TBC1D4: variants seen among roughly 807,000 people sequenced by gnomAD.
The protein encoded by TBC1D4 is TBC (Tre-2, BUB2, CDC16) domain-containing protein.
A neutral mutation model predicts 142.5 loss-of-function variants in TBC1D4; 121 were observed. The observed-to-expected ratio is 0.85, with a 90% confidence interval of 0.73 to 0.99. The LOEUF (loss-of-function observed/expected upper bound fraction) is 0.99, where lower values mean the gene tolerates loss of function less well. TBC1D4 is among the 50% of genes least tolerant of loss of function. The probability of loss-of-function intolerance (pLI) is 0.00; values close to 1 mark genes in which losing one functional copy is unlikely to be tolerated. For missense variants in TBC1D4, 1,475 were observed against 1,606.6 expected (o/e 0.92, Z 1.40); for synonymous variants, 630 against 628.2 (o/e 1.00, Z -0.04).
At chr13:75,475,404 A>G (rs1888594188) in intron 1 of TBC1D4, among the ~76,000 whole-genome samples, 1 of 152,244 alleles carries the variant, frequency 6.6e-6, no homozygotes, top group Non-Finnish European at 1.5e-5. Context: ...AATGTAGTCT[A>G]AAGGAAAGGG....
chr13:75,352,080 G>A (rs1881650487), intron 4 of TBC1D4, among the ~76,000 whole-genome samples: 1 of 152,136 alleles, frequency 6.6e-6, no homozygotes, highest in African/African-American at 2.4e-5. Context: ...TTTCTTAGAT[G>A]AGAAACTTTC....
chr13:75,312,375 G>A (rs935128517), intron 13 of TBC1D4, among the ~76,000 whole-genome samples: 1 of 145,532 alleles, frequency 6.9e-6, no homozygotes, highest in African/African-American at 2.7e-5. Flanking sequence ...TTACACCACT[G>A]CAACCCCAGC....
intron 5 of TBC1D4, among the ~76,000 whole-genome samples, chr13:75,348,659 C>T (rs974865280): frequency 2.4e-4 from 37 of 152,252 alleles, no homozygotes; most frequent in African/African-American, 7.7e-4. Flanking sequence ...ATATTATCAC[C>T]TCTATTATCT....
chr13:75,405,759 A>G (rs1245195251), intron 1 of TBC1D4, among the ~76,000 whole-genome samples: 2 of 152,232 alleles, frequency 1.3e-5, no homozygotes, highest in Admixed American at 1.3e-4. Context: ...CTTTAAGCCA[A>G]GAACTCATTT....
intron 15 of TBC1D4, among the ~76,000 whole-genome samples, chr13:75,303,441 T>C (rs1031353914): frequency 6.6e-6 from 1 of 152,234 alleles, no homozygotes; most frequent in Non-Finnish European, 1.5e-5. Context: ...TCTAGTATGC[T>C]TGAACACCAA....
chr13:75,403,358 C>T (rs1444385495), intron 1 of TBC1D4, among the ~76,000 whole-genome samples: 1 of 152,130 alleles, frequency 6.6e-6, no homozygotes, highest in Non-Finnish European at 1.5e-5. Context: ...TTCATTATTA[C>T]TAAACAAAAT....
chr13:75,295,244 C>T (rs546718059), intron 17 of TBC1D4, among the ~76,000 whole-genome samples: 5 of 152,120 alleles, frequency 3.3e-5, no homozygotes, highest in African/African-American at 9.7e-5. Flanking sequence ...TTCTCTATCA[C>T]GTGTGTTTGA....
chr13:75,312,601 G>A (rs1566366573), intron 13 of TBC1D4, 137 bp downstream of exon 13: 4 of 1,170,330 alleles, frequency 3.4e-6, no homozygotes, highest in South Asian at 1.3e-5. Context: ...ATACCTGAAA[G>A]AGAAACCACT....
intron 20 of TBC1D4, among the ~76,000 whole-genome samples, chr13:75,287,342 CAG>C (rs1185190770): frequency 6.6e-6 from 1 of 152,184 alleles, no homozygotes; most frequent in African/African-American, 2.4e-5. Flanking sequence ...GAAGGAGAAA[CAG>C]GAGATTCCTG....
intron 1 of TBC1D4, among the ~76,000 whole-genome samples, chr13:75,404,855 G>A (rs1228000012): frequency 6.6e-6 from 1 of 152,116 alleles, no homozygotes; most frequent in African/African-American, 2.4e-5. Context: ...ATCTGCTGCT[G>A]TCCCCCCTCC....
Position 75,324,278 on chromosome 13 carries a change from C to T in TBC1D4, c.2157G>A (p.Gln719=). The T allele has an allele frequency of 1.2e-6, 2 of 1,613,848 alleles. No individual in the cohort carries two copies. Among genetic ancestry groups the T allele is most frequent in the Non-Finnish European group, 1.7e-6 (2 of 1,179,812 alleles). The change falls in exon 11 of 21, where the codon CAG becomes CAA. Residue 719 remains glutamine (Q), a synonymous_variant. Coordinates refer to ENST00000377636, the MANE Select transcript of TBC1D4 (RefSeq NM_014832.5). ...ACTGTGGGGACAGTCTACCTGAATT[C>T]TGGTAAAAGCTTTTCAGGAAAGAGG... ...TAPSFLKSFY[Q]NSGRLSPQYE... is the part of the protein sequence containing the mutation.
chr13:75,399,198 T>TA (rs1479514345), intron 1 of TBC1D4, among the ~76,000 whole-genome samples: 1 of 152,100 alleles, frequency 6.6e-6, no homozygotes, highest in Non-Finnish European at 1.5e-5. Flanking sequence ...CAAACTTCTA[T>TA]AGGCAGGAAG....
At position 75,286,880 on chromosome 13, in the gene TBC1D4, G is replaced by A. The variant is rs749850246; in HGVS notation, c.3809C>T (p.Pro1270Leu). The A allele has an allele frequency of 6.2e-7, 1 of 1,613,976 alleles. No homozygotes were observed. The highest frequency in any genetic ancestry group is 1.7e-5 in the Admixed American group (1 of 59,926). ...GTCACAATTGACTAGAGCATCCGCG[G>A]GCAGCAGCTTCCGGAGTTGCTCCAC... ...KTVEQLRKLL[P>L]ADALVNCDLL... The change falls in exon 21 of 21, where the codon CCC (proline) becomes CTC (leucine). Residue 1270 changes from proline (P) to leucine (L), a missense_variant. Coordinates refer to ENST00000377636, the MANE Select transcript of TBC1D4 (RefSeq NM_014832.5).
At chr13:75,303,335 T>C (rs1404972686) in intron 15 of TBC1D4, among the ~76,000 whole-genome samples, 2 of 151,564 alleles carry the variant, frequency 1.3e-5, no homozygotes, top group African/African-American at 2.4e-5. Flanking sequence ...AGAAATAATA[T>C]AAGTAGTAAA....
chr13:75,290,532 T>C lies in TBC1D4; in HGVS notation c.3487-1422A>G. 1.3e-5 allele frequency among the ~76,000 whole-genome samples: 2 copies of C among 152,140 alleles called. 1 individual carries two copies. The stretch of plus-strand genomic sequence containing the variant: ...AATCTCTAAAAGCATAATATCTGAT[T>C]CCAGTCAAGAAAGATATTTCTGAAA... On this transcript the variant is annotated intron_variant, in intron 19 of 20. Coordinates refer to ENST00000377636, the MANE Select transcript of TBC1D4 (RefSeq NM_014832.5).
chr13:75,474,985 GAA>G (rs1228439250), intron 1 of TBC1D4, among the ~76,000 whole-genome samples: 7 of 152,110 alleles, frequency 4.6e-5, no homozygotes, highest in Non-Finnish European at 8.8e-5. Context: ...TAAAATGAAG[GAA>G]ATACTGGTAC....
intron 1 of TBC1D4, among the ~76,000 whole-genome samples, chr13:75,472,227 T>C (rs1299357936): frequency 6.6e-6 from 1 of 151,694 alleles, no homozygotes; most frequent in Non-Finnish European, 1.5e-5. Flanking sequence ...GAGAACAGCC[T>C]GGCCAACATG....
At chr13:75,464,273 A>G (rs1888082674) in intron 1 of TBC1D4, among the ~76,000 whole-genome samples, 1 of 152,224 alleles carries the variant, frequency 6.6e-6, no homozygotes, top group Non-Finnish European at 1.5e-5. Flanking sequence ...CGTGATGGCC[A>G]TGACGCCCAC....
At chr13:75,351,702 A>G (rs558277736) in intron 4 of TBC1D4, among the ~76,000 whole-genome samples, 90 of 151,988 alleles carry the variant, frequency 5.9e-4, no homozygotes, top group African/African-American at 2.0e-3. Context: ...CAGTTTGCTG[A>G]GAATGATGGT....
Sources: gnomAD v4.1 joint callset for allele counts (sites outside exome capture counted in the v4.1 genomes callset) on GRCh38, gnomAD v4.1.1 for gene constraint, MANE v1.5 for transcripts, NCBI Gene and HGNC (gene_info 2026-07-23, HGNC 2026-07-21) for gene names.